DCAF17: variants seen among roughly 807,000 people sequenced by gnomAD.
DCAF17 encodes the protein DDB1- and CUL4-associated factor 17.
DCAF17 carries 48 observed loss-of-function variants against 66.0 expected under a neutral mutation model. That is an observed-to-expected ratio of 0.73 (90% CI 0.58 to 0.92). The LOEUF (loss-of-function observed/expected upper bound fraction) is 0.92. Among genes scored for constraint, DCAF17 ranks in the 40% least tolerant of loss-of-function variants. The pLI is 0.00. For missense variants in DCAF17, 562 were observed against 622.8 expected (o/e 0.90, Z 1.04); for synonymous variants, 206 against 214.6 (o/e 0.96, Z 0.35).
rs1440486538 is a variant in DCAF17 at position 171,483,286 on chromosome 2, A to G, written c.*2172A>G. 1 of 453,978 alleles carries G rather than the reference A, an allele frequency of 2.2e-6. No individual in the cohort carries two copies. Among genetic ancestry groups the G allele is most frequent in the African/African-American group, 2.0e-5 (1 of 49,990 alleles). The allele number at this position is 453,978 out of a possible 1,614,324, so 28.1% of individuals were successfully genotyped here. A position where few individuals can be genotyped will look rare whatever the true frequency, so the allele number is the denominator to read the frequency against. On this transcript the variant is annotated 3_prime_UTR_variant, in exon 14 of 14. Coordinates refer to ENST00000375255, the MANE Select transcript of DCAF17 (RefSeq NM_025000.4). ...TATTTTAATTCGAGACTCTAGCTAC[A>G]TGCCCACCTACTTAACAGGTACTAG...
Position 171,477,975 on chromosome 2 carries a change from T to C in DCAF17, c.1183-12T>C, listed in dbSNP as rs1245441211. ...AACTTGTCATATCTTTTTATTTCTTTCCATATGATAGAATGAAAATGTACT... is the reference window on the plus strand; with the variant it reads ...AACTTGTCATATCTTTTTATTTCTTCCCATATGATAGAATGAAAATGTACT... On this transcript the variant is annotated splice_polypyrimidine_tract_variant and intron_variant, in intron 11 of 13. Transcript: ENST00000375255. 5.6e-6 allele frequency: 9 copies of C among 1,607,854 alleles called. No individual in the cohort carries two copies. The highest frequency in any genetic ancestry group is 6.8e-6 in the Non-Finnish European group (8 of 1,174,380).
At chr2:171,470,835 C>G (rs917421981) in intron 9 of DCAF17, among the ~76,000 whole-genome samples, 3 of 152,044 alleles carry the variant, frequency 2.0e-5, no homozygotes, top group Non-Finnish European at 2.9e-5. Flanking sequence ...AGCCGGCCTT[C>G]TATATCCGTG....
At chr2:171,440,086 T>A (rs1694218722) in intron 2 of DCAF17, among the ~76,000 whole-genome samples, 1 of 152,192 alleles carries the variant, frequency 6.6e-6, no homozygotes. Context: ...CTCAGCCTCC[T>A]GAGTATAGCT....
intron 6 of DCAF17, among the ~76,000 whole-genome samples, chr2:171,456,038 T>G (rs1695240007): frequency 6.6e-6 from 1 of 152,358 alleles, no homozygotes; most frequent in African/African-American, 2.4e-5. Context: ...TTGTCAATTT[T>G]TGCTTCTGTT....
intron 5 of DCAF17, among the ~76,000 whole-genome samples, chr2:171,450,513 G>C (rs1006601249): frequency 6.6e-6 from 1 of 151,836 alleles, no homozygotes; most frequent in Non-Finnish European, 1.5e-5. Flanking sequence ...ATAAAGTCTG[G>C]AAATTTATAT....
intron 10 of DCAF17, among the ~76,000 whole-genome samples, chr2:171,476,091 T>C (rs1410905730): frequency 2.0e-5 from 3 of 152,164 alleles, no homozygotes; most frequent in Non-Finnish European, 4.4e-5. Context: ...CTCTTGGTCT[T>C]TGGGAACTCT....
chr2:171,464,200 A>G (rs1274724317), intron 8 of DCAF17, among the ~76,000 whole-genome samples: 4 of 152,190 alleles, frequency 2.6e-5, no homozygotes, highest in Admixed American at 6.5e-5. Flanking sequence ...AGAGAACGTC[A>G]TTAGAGACTC....
At chr2:171,446,862 C>T (rs1360975637) in intron 3 of DCAF17, among the ~76,000 whole-genome samples, 1 of 152,024 alleles carries the variant, frequency 6.6e-6, no homozygotes, top group Non-Finnish European at 1.5e-5. Context: ...TAAGATGTTT[C>T]AGATCTTTGA....
Position 171,481,210 on chromosome 2 carries a change from T to TCTG in DCAF17, c.*96_*97insCTG. 1 of 1,529,048 alleles carries TCTG rather than the reference T, an allele frequency of 6.5e-7. No individual in the cohort carries two copies. 94.7% of individuals were successfully genotyped at this position (1,529,048 alleles called of 1,614,324 possible). A position where few individuals can be genotyped will look rare whatever the true frequency, so the allele number is the denominator to read the frequency against. On this transcript the variant is annotated 3_prime_UTR_variant, in exon 14 of 14. Transcript: ENST00000375255. ...ATTATCTGCATGGCACATTCTCCAG[T>TCTG]ATTTTCCAAAAAAGTCTTGTGTTGA...
chr2:171,480,165 G>A lies in DCAF17; in HGVS notation c.1394G>A (p.Ser465Asn). 3 of 1,613,616 alleles carry A rather than the reference G, an allele frequency of 1.9e-6. No homozygotes were observed. The highest frequency in any genetic ancestry group is 2.2e-5 in the East Asian group (1 of 44,858). ...HCNEYGTLLKSIPLVESWDVT... is the reference protein window; with the variant it reads ...HCNEYGTLLKNIPLVESWDVT... ...AATGAATATGGAACTTTACTTAAAA[G>A]CATTCCACTAGTGGAGTCATGGGAT... Residue 465 changes from serine to asparagine, a missense_variant, in exon 13 of 14, where the codon AGC becomes AAC. Ser to Asn is a conservative substitution (Grantham distance 46, BLOSUM62 1). Coordinates refer to ENST00000375255, the MANE Select transcript of DCAF17 (RefSeq NM_025000.4).
At chr2:171,477,283 A>G (rs1696541590) in intron 11 of DCAF17, among the ~76,000 whole-genome samples, 1 of 152,240 alleles carries the variant, frequency 6.6e-6, no homozygotes. Context: ...TAAAAATCAC[A>G]TACCATACTT....
chr2:171,447,288 A>G (rs755997846), intron 3 of DCAF17: 1 of 227,548 alleles, frequency 4.4e-6, no homozygotes, highest in African/African-American at 2.4e-5. Context: ...TAAAATAACT[A>G]TGTCTTCATT....
intron 5 of DCAF17, among the ~76,000 whole-genome samples, chr2:171,450,462 G>T: frequency 6.6e-6 from 1 of 151,658 alleles, no homozygotes; most frequent in East Asian, 1.9e-4. Context: ...TATTTAAAGA[G>T]ATTTTTCTCT....
rs79581001 is a variant in DCAF17 at position 171,465,325 on chromosome 2, T to C, written c.839-3563T>C. On this transcript the variant is annotated intron_variant, in intron 8 of 13. Transcript: ENST00000375255. ...TGTTCAAAGGCGATTTGAAATCATT[T>C]TTCTATAGGATTAAGCTACCAGCAT... Among the ~76,000 whole-genome samples the C allele has an allele frequency of 3.3e-4, 51 of 152,314 alleles. 1 individual carries two copies. In the East Asian group the frequency reaches 9.6e-3, roughly 29 times the overall value.
rs754667938 is a variant in DCAF17 at position 171,484,994 on chromosome 2, G to C, written c.*3880G>C. ...TTATCTTTCTGTTGATGGACACTGG[G>C]CTCTTTCTGCTTGTTTTTTACTGTT... On this transcript the variant is annotated 3_prime_UTR_variant, in exon 14 of 14. Coordinates refer to ENST00000375255, the MANE Select transcript of DCAF17 (RefSeq NM_025000.4). The C allele has an allele frequency of 4.4e-6, 2 of 453,756 alleles. No individual in the cohort carries two copies. The allele number at this position is 453,756 out of a possible 1,614,324, so 28.1% of individuals were successfully genotyped here.
At chr2:171,465,660 T>C (rs976248441) in intron 8 of DCAF17, among the ~76,000 whole-genome samples, 1 of 151,936 alleles carries the variant, frequency 6.6e-6, no homozygotes, top group Non-Finnish European at 1.5e-5. Context: ...TTTTTTTGTA[T>C]TCTTAGTAGA....
intron 2 of DCAF17, among the ~76,000 whole-genome samples, chr2:171,441,076 C>A (rs1174682532): frequency 1.3e-5 from 2 of 152,178 alleles, no homozygotes; most frequent in Non-Finnish European, 2.9e-5. Flanking sequence ...ACAATTTAGC[C>A]TGTATCTCCG....
Position 171,460,301 on chromosome 2 carries a change from C to T in DCAF17, c.838+1824C>T, listed in dbSNP as rs189704042. ...TCGTGCCACTGCACTCTAGCCTGGG[C>T]GATTGAGCGAGATTCCATCTCAAAA... On this transcript the variant is annotated intron_variant, in intron 8 of 13. Transcript: ENST00000375255. 1.6e-3 allele frequency among the ~76,000 whole-genome samples: 206 copies of T among 131,916 alleles called. 3 individuals are homozygous for T. In the East Asian group the frequency reaches 0.016, roughly 11 times the overall value. The allele number at this position is 131,916 out of a possible 152,430, so 86.5% of individuals were successfully genotyped here. A position where few individuals can be genotyped will look rare whatever the true frequency, so the allele number is the denominator to read the frequency against.
At chr2:171,450,568 T>C (rs980185998) in intron 5 of DCAF17, among the ~76,000 whole-genome samples, 3 of 152,166 alleles carry the variant, frequency 2.0e-5, no homozygotes, top group Non-Finnish European at 4.4e-5. Flanking sequence ...GGAAATACTA[T>C]GGAAAGCATT....
Sources: gnomAD v4.1 joint callset for allele counts (sites outside exome capture counted in the v4.1 genomes callset) on GRCh38, gnomAD v4.1.1 for gene constraint, MANE v1.5 for transcripts, NCBI Gene and HGNC (gene_info 2026-07-23, HGNC 2026-07-21) for gene names.